The following DDHD1 variants were observed in gnomAD, a reference collection of about 807,000 sequenced individuals.
DDHD1 encodes phospholipase DDHD1.
Under a neutral mutation model 96.4 loss-of-function variants are expected in DDHD1, and 49 were observed. The ratio of observed to expected loss-of-function variants is 0.51; its 90% CI spans 0.40 to 0.64. The LOEUF is 0.64. DDHD1 is among the 30% of genes least tolerant of loss of function. The pLI, the probability that DDHD1 is intolerant of heterozygous loss-of-function variation, is 0.00. For synonymous variants in DDHD1, 442 were observed against 446.5 expected (o/e 0.99, Z 0.13); for missense variants, 1,106 against 1,161.2 (o/e 0.95, Z 0.69).
intron 12 of DDHD1, among the ~76,000 whole-genome samples, chr14:53,048,233 C>T (rs1340405703): frequency 1.3e-5 from 2 of 152,010 alleles, no homozygotes; most frequent in Admixed American, 1.3e-4. Context: ...AATCTAGCTA[C>T]ACATTTTCAG....
At chr14:53,126,700 C>G (rs1173703951) in intron 1 of DDHD1, among the ~76,000 whole-genome samples, 1 of 152,222 alleles carries the variant, frequency 6.6e-6, no homozygotes, top group Non-Finnish European at 1.5e-5. Flanking sequence ...TCATATCAAG[C>G]ATCAATTTCT....
intron 1 of DDHD1, among the ~76,000 whole-genome samples, chr14:53,147,922 G>A (rs932854988): frequency 6.6e-6 from 1 of 151,968 alleles, no homozygotes; most frequent in Non-Finnish European, 1.5e-5. Context: ...GCCACACAAA[G>A]GATTGTTATT....
chr14:53,055,942 C>G, intron 9 of DDHD1, 30 bp from the exon 10 acceptor site: 2 of 1,578,118 alleles, frequency 1.3e-6, no homozygotes, highest in African/African-American at 1.4e-5. Flanking sequence ...TTCAAAGAAA[C>G]ACAGTGTTAA....
At position 53,129,894 on chromosome 14, in the gene DDHD1, G is replaced by A. The variant is rs533228207; in HGVS notation, c.838+22367C>T. Among the ~76,000 whole-genome samples the A allele has an allele frequency of 4.6e-5, 7 of 152,248 alleles. No individual in the cohort carries two copies. The South Asian group carries it at 6.2e-4, about 14-fold the overall frequency. ...CTACAAGATCTAGATAATTACTGTC[G>A]TAAAAATGGGCAAATGGTCTGAGGT... is the stretch of plus-strand genomic sequence containing the variant. On this transcript the variant is annotated intron_variant, in intron 1 of 12. Coordinates refer to ENST00000673822, the MANE Select transcript of DDHD1 (RefSeq NM_001160148.2).
intron 1 of DDHD1, among the ~76,000 whole-genome samples, chr14:53,105,289 G>C (rs987048930): frequency 4.6e-5 from 7 of 151,798 alleles, no homozygotes; most frequent in South Asian, 2.1e-4. Context: ...GAAACCAAGA[G>C]TCCTTGAAAA....
At position 53,042,693 on chromosome 14, in the gene DDHD1, A is replaced by G. The variant is rs1190224810; in HGVS notation, c.*4075T>C. The stretch of plus-strand genomic sequence containing the variant: ...TTAAGTTCAGCCAGAGTACCATCAG[A>G]TTCCTGGCAGAGGCTTGAGGCACAG... On this transcript the variant is annotated 3_prime_UTR_variant, in exon 13 of 13. Transcript: ENST00000673822. 1.3e-5 allele frequency: 2 copies of G among 152,226 alleles called. No homozygotes were observed. Among genetic ancestry groups the G allele is most frequent in the Admixed American group, 6.5e-5 (1 of 15,286 alleles). The allele number at this position is 152,226 out of a possible 1,614,324, so 9.4% of individuals were successfully genotyped here. A position where few individuals can be genotyped will look rare whatever the true frequency, so the allele number is the denominator to read the frequency against.
At position 53,128,538 on chromosome 14, in the gene DDHD1, C is replaced by T. The variant is rs79723470; in HGVS notation, c.838+23723G>A. On this transcript the variant is annotated intron_variant, in intron 1 of 12. Coordinates refer to ENST00000673822, the MANE Select transcript of DDHD1 (RefSeq NM_001160148.2). ...TTATCACTTCCCAAAGGCCCCACTT[C>T]CCCAATACCATCACCTAGAGGTTTA... is the stretch of plus-strand genomic sequence containing the variant. 2.8e-4 allele frequency among the ~76,000 whole-genome samples: 42 copies of T among 152,338 alleles called. 1 individual carries two copies. In the East Asian group the frequency reaches 7.9e-3, roughly 29 times the overall value.
Position 53,153,081 on chromosome 14 carries a change from G to A in DDHD1, c.18C>T (p.Arg6=), listed in dbSNP as rs1207331471. 3 of 1,444,162 alleles carry A rather than the reference G, an allele frequency of 2.1e-6. No homozygotes were observed. The highest frequency in any genetic ancestry group is 3.1e-5 in the Admixed American group (1 of 32,768). 89.5% of individuals were successfully genotyped at this position (1,444,162 alleles called of 1,614,324 possible). The change falls in exon 1 of 13, where the codon CGC becomes CGT. Residue 6 remains arginine (R), a synonymous_variant. Transcript: ENST00000673822. MNYPG[R]GSPRSPEHNG... ...TATGCTCGGGGCTCCGTGGGGACCC[G>A]CGGCCCGGGTAATTCATGCTGTGGA...
Position 53,073,768 on chromosome 14 carries a change from A to G in DDHD1, c.1369T>C (p.Trp457Arg), listed in dbSNP as rs746890574. 6.2e-7 allele frequency: 1 copy of G among 1,609,610 alleles called. No individual in the cohort carries two copies. The highest frequency in any genetic ancestry group is 1.1e-5 in the South Asian group (1 of 90,592). The change falls in exon 5 of 13, where the codon TGG (tryptophan) becomes CGG (arginine). Residue 457 changes from tryptophan to arginine, a missense_variant. By Grantham distance (101) the Trp-to-Arg change is moderately radical (BLOSUM62 -3). Around this residue, in one of 2 missense-constraint regions of DDHD1, gnomAD observed 650 missense variants for 758.8 expected, o/e 0.86. Coordinates refer to ENST00000673822, the MANE Select transcript of DDHD1 (RefSeq NM_001160148.2). ...ATHVEFLPVE[W>R]RSKLTLDGDT... is the part of the protein sequence containing the mutation. The stretch of plus-strand genomic sequence containing the variant: ...CCATCAAGAGTAAGTTTTGACCGCC[A>G]CTCAACAGGCAGAAATTCAACATGT...
intron 4 of DDHD1, among the ~76,000 whole-genome samples, chr14:53,086,721 T>C (rs1034491654): frequency 6.6e-6 from 1 of 152,144 alleles, no homozygotes. Context: ...AGACCATTGA[T>C]GCTGGGAAGA....
At chr14:53,113,599 G>A (rs1297283155) in intron 1 of DDHD1, among the ~76,000 whole-genome samples, 1 of 151,332 alleles carries the variant, frequency 6.6e-6, no homozygotes, top group Non-Finnish European at 1.5e-5. Context: ...GCAGAAGCAT[G>A]GTGGTGCGTC....
intron 6 of DDHD1, among the ~76,000 whole-genome samples, chr14:53,067,508 A>C (rs1258989074): frequency 6.6e-6 from 1 of 150,888 alleles, no homozygotes; most frequent in Non-Finnish European, 1.5e-5. Flanking sequence ...CCCAGGCTGC[A>C]GTGCAGTGGC....
At chr14:53,135,004 G>A (rs906010600) in intron 1 of DDHD1, among the ~76,000 whole-genome samples, 2 of 152,004 alleles carry the variant, frequency 1.3e-5, no homozygotes, top group African/African-American at 2.4e-5. Flanking sequence ...AATTCCGCTC[G>A]AAGCAGCCCT....
chr14:53,133,210 G>A (rs769103453), intron 1 of DDHD1, among the ~76,000 whole-genome samples: 1 of 152,108 alleles, frequency 6.6e-6, no homozygotes, highest in Non-Finnish European at 1.5e-5. Flanking sequence ...CATCAAGCTC[G>A]GGGATTTGCC....
chr14:53,139,297 C>T (rs907463286), intron 1 of DDHD1, among the ~76,000 whole-genome samples: 7 of 152,090 alleles, frequency 4.6e-5, no homozygotes, highest in Non-Finnish European at 7.4e-5. Flanking sequence ...CCCACACCAT[C>T]ATCACCAAGT....
intron 4 of DDHD1, among the ~76,000 whole-genome samples, chr14:53,083,750 G>T (rs1046488584): frequency 6.6e-6 from 1 of 151,996 alleles, no homozygotes; most frequent in African/African-American, 2.4e-5. Flanking sequence ...CAGGGAAATG[G>T]TAAGAAATCC....
At chr14:53,114,023 A>C (rs1888344735) in intron 1 of DDHD1, among the ~76,000 whole-genome samples, 1 of 152,132 alleles carries the variant, frequency 6.6e-6, no homozygotes, top group Non-Finnish European at 1.5e-5. Flanking sequence ...GGGACACTGG[A>C]GCTTGGTGAG....
intron 2 of DDHD1, among the ~76,000 whole-genome samples, chr14:53,100,999 A>T (rs1164835006): frequency 6.6e-6 from 1 of 152,172 alleles, no homozygotes; most frequent in Non-Finnish European, 1.5e-5. Context: ...TGAGGGTAGA[A>T]ACCTTGTCGA....
In DDHD1 at chr14:53,037,969, C is replaced by T. The variant is rs1881382742; in HGVS notation, c.*8799G>A. The T allele has an allele frequency of 6.6e-6, 1 of 152,030 alleles. No individual in the cohort carries two copies. The highest frequency in any genetic ancestry group is 2.4e-5 in the African/African-American group (1 of 41,390). 9.4% of individuals were successfully genotyped at this position (152,030 alleles called of 1,614,324 possible). On this transcript the variant is annotated 3_prime_UTR_variant, in exon 13 of 13. Coordinates refer to ENST00000673822, the MANE Select transcript of DDHD1 (RefSeq NM_001160148.2). ...TAGGGCTAGCCAGTTATCCCAACACCATTTATTGAATACGGATAAAATCCA... is the reference window on the plus strand; with the variant it reads ...TAGGGCTAGCCAGTTATCCCAACACTATTTATTGAATACGGATAAAATCCA...
Sources: allele counts gnomAD v4.1 joint callset (sites outside exome capture counted in the v4.1 genomes callset), GRCh38; gene constraint gnomAD v4.1.1; regional missense constraint gnomAD v4.1.1; transcripts MANE v1.5; gene names NCBI Gene and HGNC (gene_info 2026-07-23, HGNC 2026-07-21).